Variants in TRPS1 observed in about 807,000 individuals in gnomAD.
TRPS1 encodes transcriptional repressor GATA binding 1.
TRPS1 carries 6 observed loss-of-function variants against 101.2 expected under a neutral mutation model. That is an observed-to-expected ratio of 0.06 (90% CI 0.03 to 0.12). The LOEUF (loss-of-function observed/expected upper bound fraction) is 0.12. Among genes scored for constraint, TRPS1 ranks in the 10% least tolerant of loss-of-function variants. The pLI is 1.00. For missense variants in TRPS1, 1,363 were observed against 1,567.0 expected (o/e 0.87, Z 2.20); for synonymous variants, 578 against 589.8 (o/e 0.98, Z 0.29).
intron 4 of TRPS1, among the ~76,000 whole-genome samples, chr8:115,588,731 G>C (rs567077217): frequency 1.3e-5 from 2 of 152,292 alleles, no homozygotes; most frequent in African/African-American, 4.8e-5. Flanking sequence ...AACTTGCTAT[G>C]AATTACCAAA....
chr8:115,594,649 T>C (rs932612977), intron 4 of TRPS1, among the ~76,000 whole-genome samples: 2 of 152,026 alleles, frequency 1.3e-5, no homozygotes, highest in South Asian at 2.1e-4. Context: ...AGAATTTTCA[T>C]GTGCCATAAA....
chr8:115,442,418 T>C (rs533108152), intron 5 of TRPS1, among the ~76,000 whole-genome samples: 1 of 151,898 alleles, frequency 6.6e-6, no homozygotes, highest in South Asian at 2.1e-4. Flanking sequence ...GATACTACTT[T>C]GGAAAATTCT....
At chr8:115,486,473 T>G (rs1025524654) in intron 5 of TRPS1, among the ~76,000 whole-genome samples, 5 of 152,152 alleles carry the variant, frequency 3.3e-5, no homozygotes, top group African/African-American at 1.2e-4. Context: ...CAGAAATGAT[T>G]AAGCTTAGTG....
chr8:115,493,551 G>C (rs189600812), intron 5 of TRPS1, among the ~76,000 whole-genome samples: 2 of 151,944 alleles, frequency 1.3e-5, no homozygotes, highest in African/African-American at 4.8e-5. Flanking sequence ...GTTTCTCCAT[G>C]TTGGTCAGGC....
intron 5 of TRPS1, among the ~76,000 whole-genome samples, chr8:115,420,988 C>CTT (rs145159726): frequency 8.7e-5 from 12 of 138,420 alleles, no homozygotes; most frequent in East Asian, 8.4e-4. Context: ...TACTGTGATT[C>CTT]TTTTTTTTTT....
intron 5 of TRPS1, among the ~76,000 whole-genome samples, chr8:115,557,116 C>T (rs1448046345): frequency 6.6e-6 from 1 of 152,072 alleles, no homozygotes; most frequent in African/African-American, 2.4e-5. Context: ...GGAAACCCCT[C>T]TTTTTAAAAC....
intron 5 of TRPS1, among the ~76,000 whole-genome samples, chr8:115,452,226 T>C (rs1210517887): frequency 6.6e-6 from 1 of 152,104 alleles, no homozygotes; most frequent in Non-Finnish European, 1.5e-5. Context: ...AGTAATAAAG[T>C]GCTAAGCAGA....
intron 5 of TRPS1, among the ~76,000 whole-genome samples, chr8:115,427,620 A>G (rs1323811518): frequency 1.3e-5 from 2 of 152,146 alleles, no homozygotes; most frequent in African/African-American, 4.8e-5. Flanking sequence ...CCTTATTACT[A>G]AAGAGGAGAT....
At chr8:115,593,456 C>T (rs117129885) in intron 4 of TRPS1, among the ~76,000 whole-genome samples, 453 of 152,160 alleles carry the variant, frequency 3.0e-3, no homozygotes, top group Non-Finnish European at 5.1e-3. Context: ...GTTTCACGTA[C>T]GTTATTTGAT....
At chr8:115,658,229 G>T (rs1001185450) in intron 1 of TRPS1, among the ~76,000 whole-genome samples, 1 of 152,016 alleles carries the variant, frequency 6.6e-6, no homozygotes, top group African/African-American at 2.4e-5. Context: ...AATGCCAAAT[G>T]AACTTACAGG....
At chr8:115,434,209 A>T (rs566438115) in intron 5 of TRPS1, among the ~76,000 whole-genome samples, 7 of 152,336 alleles carry the variant, frequency 4.6e-5, no homozygotes, top group African/African-American at 1.7e-4. Context: ...TATTTTACGT[A>T]GAATGTAACA....
intron 5 of TRPS1, chr8:115,511,128 G>C (rs138827899): frequency 2.4e-3 from 371 of 151,888 alleles, no homozygotes; most frequent in African/African-American, 8.5e-3. Flanking sequence ...TTGTCTTTCT[G>C]GTGGAGAAAA....
At chr8:115,603,369 C>T (rs1431223774) in intron 4 of TRPS1, among the ~76,000 whole-genome samples, 1 of 152,100 alleles carries the variant, frequency 6.6e-6, no homozygotes. Context: ...GTATGCTAAA[C>T]AAGGATGTTG....
At chr8:115,470,358 C>A (rs546732620) in intron 5 of TRPS1, among the ~76,000 whole-genome samples, 22 of 152,248 alleles carry the variant, frequency 1.4e-4, no homozygotes, top group African/African-American at 4.8e-4. Flanking sequence ...GTTTGCTTAT[C>A]CTTGTATTCC....
chr8:115,653,570 T>C (rs1285047268), intron 1 of TRPS1, among the ~76,000 whole-genome samples: 1 of 152,198 alleles, frequency 6.6e-6, no homozygotes, highest in Non-Finnish European at 1.5e-5. Flanking sequence ...AAGATTATTT[T>C]CCACCAGCAA....
chr8:115,426,178 G>A (rs1813182056), intron 5 of TRPS1, among the ~76,000 whole-genome samples: 1 of 152,084 alleles, frequency 6.6e-6, no homozygotes, highest in African/African-American at 2.4e-5. Flanking sequence ...GCCAAAATCT[G>A]ACACTGGAAG....
At chr8:115,634,072 T>C (rs1818713063) in intron 1 of TRPS1, among the ~76,000 whole-genome samples, 2 of 152,186 alleles carry the variant, frequency 1.3e-5, no homozygotes, top group Admixed American at 1.3e-4. Context: ...GAAAATCTTA[T>C]TCCTTAAAAC....
intron 4 of TRPS1, among the ~76,000 whole-genome samples, chr8:115,597,736 A>T (rs935518400): frequency 1.3e-5 from 2 of 151,976 alleles, no homozygotes; most frequent in African/African-American, 4.8e-5. Flanking sequence ...ATTTGTATTT[A>T]TGTGTTATGT....
chr8:115,418,574 C>G lies in TRPS1; in HGVS notation c.2701-122G>C. Reference sequence around the variant, plus strand: ...AATGACAGTATAAAACCACACTGCCCATAATGAGGTCAGGTTCAATTGTGT... The same window carrying G: ...AATGACAGTATAAAACCACACTGCCGATAATGAGGTCAGGTTCAATTGTGT... On this transcript the variant is annotated intron_variant, in intron 5 of 6. Transcript: ENST00000395715. This position sits in a 1 kb window ranked among gnomAD's most constrained non-coding sequence, Gnocchi z 4.3. 1 of 1,332,776 alleles carries G rather than the reference C, an allele frequency of 7.5e-7. No individual in the cohort carries two copies. The highest frequency in any genetic ancestry group is 1.1e-6 in the Non-Finnish European group (1 of 935,052). The allele number at this position is 1,332,776 out of a possible 1,614,324, so 82.6% of individuals were successfully genotyped here.
Sources: gnomAD v4.1 joint callset for allele counts (sites outside exome capture counted in the v4.1 genomes callset) on GRCh38, gnomAD v4.1.1 for gene constraint, Gnocchi (gnomAD v3.1) non-coding constraint, MANE v1.5 for transcripts, NCBI Gene and HGNC (gene_info 2026-07-23, HGNC 2026-07-21) for gene names.